EMC7: variants seen among roughly 807,000 people sequenced by gnomAD.
The protein encoded by EMC7 is endoplasmic reticulum membrane protein complex subunit 7.
A neutral mutation model predicts 24.4 loss-of-function variants in EMC7; 4 were observed. That is an observed-to-expected ratio of 0.16 (90% CI 0.08 to 0.38). The LOEUF (loss-of-function observed/expected upper bound fraction) is 0.38. EMC7 is among the 10% of genes least tolerant of loss of function. EMC7 has a pLI of 1.00. For synonymous variants in EMC7, 106 were observed against 112.0 expected, an observed-to-expected ratio of 0.95 and a Z score of 0.34; for missense variants, 221 against 300.6, an observed-to-expected ratio of 0.74 and a Z score of 1.96.
chr15:34,095,847 G>T (rs778388429), intron 2 of EMC7, 48 bp downstream of exon 2: 1 of 1,552,170 alleles, frequency 6.4e-7, no homozygotes, highest in East Asian at 2.3e-5. Flanking sequence ...ATATACTAAG[G>T]TATTCAGTAG....
chr15:34,084,587 G>C, intron 4 of EMC7, 101 bp from the exon 5 acceptor site: 1 of 1,343,940 alleles, frequency 7.4e-7, no homozygotes, highest in Non-Finnish European at 1.0e-6. Flanking sequence ...ACAAGTGAAA[G>C]GTACTGGTTC....
intron 2 of EMC7, among the ~76,000 whole-genome samples, chr15:34,090,739 A>G (rs750175108): frequency 4.6e-5 from 7 of 152,184 alleles, no homozygotes; most frequent in Admixed American, 2.6e-4. Context: ...CCTAACTTCT[A>G]TTTATGTCAA....
chr15:34,091,455 C>T (rs1422259759), intron 2 of EMC7, among the ~76,000 whole-genome samples: 1 of 152,072 alleles, frequency 6.6e-6, no homozygotes, highest in African/African-American at 2.4e-5. Context: ...TTTGTTACTG[C>T]CAGGAATTTG....
In EMC7 at chr15:34,084,289, C is replaced by T. The variant is rs1900838654; in HGVS notation, c.*45G>A. 1.3e-6 allele frequency: 2 copies of T among 1,580,136 alleles called. No homozygotes were observed. The highest frequency in any genetic ancestry group is 1.7e-6 in the Non-Finnish European group (2 of 1,158,596). ...CGGTTTTCCAAGACTTGGATGCCAC[C>T]CAGTGTTGCCGTGTTTGTGCAAATG... On this transcript the variant is annotated 3_prime_UTR_variant, in exon 5 of 5. Coordinates refer to ENST00000256545, the MANE Select transcript of EMC7 (RefSeq NM_020154.3).
chr15:34,092,294 A>AC (rs1555523201), intron 2 of EMC7, among the ~76,000 whole-genome samples: 1 of 24,642 alleles, frequency 4.1e-5, no homozygotes, highest in African/African-American at 1.2e-4. Context: ...CACACACACA[A>AC]AGAATTAGGA....
intron 4 of EMC7, 115 bp from the exon 5 acceptor site, chr15:34,084,601 G>T: frequency 1.8e-6 from 2 of 1,106,326 alleles, no homozygotes; most frequent in South Asian, 1.7e-5. Context: ...CTGGTTCTGA[G>T]CAATGATGCA....
chr15:34,086,251 A>G, intron 4 of EMC7: 1 of 317,242 alleles, frequency 3.2e-6, no homozygotes, highest in South Asian at 3.2e-5. Flanking sequence ...GACTGGTGCC[A>G]GATAAACCTC....
At chr15:34,098,660 G>A (rs1473334770) in intron 1 of EMC7, among the ~76,000 whole-genome samples, 1 of 148,160 alleles carries the variant, frequency 6.7e-6, no homozygotes, top group Non-Finnish European at 1.5e-5. Context: ...GTAGAGATGG[G>A]GTTTTTCCAT....
chr15:34,092,598 G>A (rs1174007528), intron 2 of EMC7, among the ~76,000 whole-genome samples: 1 of 151,928 alleles, frequency 6.6e-6, no homozygotes, highest in African/African-American at 2.4e-5. Flanking sequence ...CACCTGCCTC[G>A]GCCTCCCAAA....
At chr15:34,099,891 C>T (rs12441615) in intron 1 of EMC7, among the ~76,000 whole-genome samples, 49,242 of 152,068 alleles carry the variant, frequency 0.32, 8,569 homozygotes, top group African/African-American at 0.43. Flanking sequence ...TATGAGCCAC[C>T]GCGCCTGGAA....
intron 2 of EMC7, among the ~76,000 whole-genome samples, chr15:34,094,797 G>A (rs546215376): frequency 1.6e-4 from 24 of 152,184 alleles, no homozygotes; most frequent in African/African-American, 5.5e-4. Flanking sequence ...AATAGGAGCC[G>A]GTTATATAAA....
intron 1 of EMC7, among the ~76,000 whole-genome samples, chr15:34,098,938 A>T (rs1203299240): frequency 6.6e-6 from 1 of 152,214 alleles, no homozygotes; most frequent in African/African-American, 2.4e-5. Context: ...TACAAAATTT[A>T]AAATTCATCC....
intron 1 of EMC7, chr15:34,100,517 C>T (rs1001325299): frequency 5.9e-5 from 9 of 152,126 alleles, no homozygotes; most frequent in Admixed American, 5.2e-4. Flanking sequence ...ATCATTAAAA[C>T]ATCATTAATT....
intron 1 of EMC7, among the ~76,000 whole-genome samples, chr15:34,097,422 TAGA>T (rs1901093940): frequency 6.6e-6 from 1 of 152,198 alleles, no homozygotes; most frequent in South Asian, 2.1e-4. Context: ...CTTTGGTTAC[TAGA>T]AGCTTAAAAT....
chr15:34,090,474 G>A lies in EMC7; in HGVS notation c.357-19C>T. 6.3e-7 allele frequency: 1 copy of A among 1,599,130 alleles called. No homozygotes were observed. Among genetic ancestry groups the A allele is most frequent in the Non-Finnish European group, 8.5e-7 (1 of 1,173,208 alleles). ...TCTTGCTCTGATAAAGCAACATGGG[G>A]AAAGCAACAGTAATTCCATTAAAAA... is the stretch of plus-strand genomic sequence containing the variant. On this transcript the variant is annotated intron_variant, in intron 2 of 4. Coordinates refer to ENST00000256545, the MANE Select transcript of EMC7 (RefSeq NM_020154.3).
chr15:34,084,052 C>T lies in EMC7; in HGVS notation c.*282G>A, dbSNP rs947073361. On this transcript the variant is annotated 3_prime_UTR_variant, in exon 5 of 5. Coordinates refer to ENST00000256545, the MANE Select transcript of EMC7 (RefSeq NM_020154.3). ...GGATTAAGATGTTTTAATTAATATACATAATGTATAGTAGTTCATATAATT... is the reference window on the plus strand; with the variant it reads ...GGATTAAGATGTTTTAATTAATATATATAATGTATAGTAGTTCATATAATT... The T allele has an allele frequency of 1.1e-5, 3 of 267,274 alleles. No homozygotes were observed. Among genetic ancestry groups the T allele is most frequent in the African/African-American group, 4.4e-5 (2 of 45,558 alleles). The allele number at this position is 267,274 out of a possible 1,614,324, so 16.6% of individuals were successfully genotyped here.
At chr15:34,088,001 G>C (rs906751498) in intron 4 of EMC7, 52 bp downstream of exon 4, 1 of 1,488,090 alleles carries the variant, frequency 6.7e-7, no homozygotes, top group Non-Finnish European at 9.2e-7. Context: ...TTGAGCAACA[G>C]AGGCTCTATC....
At chr15:34,091,510 G>A (rs1900973249) in intron 2 of EMC7, among the ~76,000 whole-genome samples, 1 of 152,206 alleles carries the variant, frequency 6.6e-6, no homozygotes, top group Non-Finnish European at 1.5e-5. Flanking sequence ...TAGCTTGGAA[G>A]TTCCTGGATT....
chr15:34,090,541 C>A, intron 2 of EMC7, 86 bp from the exon 3 acceptor site: 1 of 1,345,476 alleles, frequency 7.4e-7, no homozygotes, highest in African/African-American at 1.5e-5. Context: ...ATTAGCAATG[C>A]CTTATACACA....
Sources: gnomAD v4.1 joint callset for allele counts (sites outside exome capture counted in the v4.1 genomes callset) on GRCh38, gnomAD v4.1.1 for gene constraint, MANE v1.5 for transcripts, NCBI Gene and HGNC (gene_info 2026-07-23, HGNC 2026-07-21) for gene names.